The following TRPM8 variants were observed in gnomAD, a reference collection of about 807,000 sequenced individuals.
TRPM8 encodes the protein transient receptor potential cation channel subfamily M member 8, also known as TRPM8 cationic channel.
A neutral mutation model predicts 133.7 loss-of-function variants in TRPM8; 110 were observed. That is an observed-to-expected ratio of 0.82 (90% confidence interval 0.70 to 0.96). TRPM8 has a LOEUF of 0.96. Ranked by LOEUF, TRPM8 falls within the 40% of genes least tolerant of loss-of-function variation. The pLI, the probability that TRPM8 is intolerant of heterozygous loss-of-function variation, is 0.00. For synonymous variants in TRPM8, 535 were observed against 532.3 expected (o/e 1.01, Z -0.07); for missense variants, 1,291 against 1,379.5 (o/e 0.94, Z 1.02).
At chr2:234,012,438 GC>G (rs1020244273) in intron 24 of TRPM8, among the ~76,000 whole-genome samples, 13 of 151,546 alleles carry the variant, frequency 8.6e-5, no homozygotes, top group Middle Eastern at 6.8e-3. Flanking sequence ...GAGCCACCAC[GC>G]CCAGCAGTCC....
At position 233,989,240 on chromosome 2, in the gene TRPM8, G is replaced by A. The variant is rs1692218081; in HGVS notation, c.2939+3375G>A. ...TTGAATTTGGAGCTGAGAAAGATGGGAGCCTCGTCTGTCACTTTCAGGTGA... is the reference window on the plus strand; with the variant it reads ...TTGAATTTGGAGCTGAGAAAGATGGAAGCCTCGTCTGTCACTTTCAGGTGA... On this transcript the variant is annotated intron_variant, in intron 21 of 25. Coordinates refer to ENST00000324695, the MANE Select transcript of TRPM8 (RefSeq NM_024080.5). The surrounding 1 kb of genome is among the most constrained non-coding windows in gnomAD (Gnocchi z 4.2). Among the ~76,000 whole-genome samples, 1 of 152,178 alleles carries A rather than the reference G, an allele frequency of 6.6e-6. No individual in the cohort carries two copies. Among genetic ancestry groups the A allele is most frequent in the Non-Finnish European group, 1.5e-5 (1 of 68,040 alleles).
chr2:233,922,760 G>C (rs1691435067), intron 1 of TRPM8, among the ~76,000 whole-genome samples: 1 of 152,092 alleles, frequency 6.6e-6, no homozygotes, highest in Admixed American at 6.5e-5. Flanking sequence ...TGTAAACACT[G>C]TTCCATTTTC....
intron 11 of TRPM8, among the ~76,000 whole-genome samples, chr2:233,955,748 C>T (rs572364104): frequency 1.9e-4 from 29 of 152,228 alleles, no homozygotes; most frequent in South Asian, 1.5e-3. Flanking sequence ...CCCCAGTGAA[C>T]GTCTTAGAGC....
Position 233,945,857 on chromosome 2 carries a change from G to A in TRPM8, c.701G>A (p.Gly234Asp), listed in dbSNP as rs1422371640. Residue 234 changes from glycine to aspartate, a missense_variant and splice_region_variant, in exon 7 of 26, where the codon GGC becomes GAC. Gly to Asp is a moderately conservative substitution (Grantham distance 94). Coordinates refer to ENST00000324695, the MANE Select transcript of TRPM8 (RefSeq NM_024080.5). ...GACAAGTTTCCCTGTACTTTTCAGG[G>A]CTATTTTTTAGCCCAGTACCTTATG... ...DTLIRNCDAE[G>D]YFLAQYLMDD... The A allele has an allele frequency of 6.2e-7, 1 of 1,609,022 alleles. No individual in the cohort carries two copies. Among genetic ancestry groups the A allele is most frequent in the Non-Finnish European group, 8.5e-7 (1 of 1,176,094 alleles).
At chr2:234,003,805 G>A (rs1010717165) in intron 22 of TRPM8, among the ~76,000 whole-genome samples, 14 of 152,164 alleles carry the variant, frequency 9.2e-5, no homozygotes, top group Non-Finnish European at 1.6e-4. Context: ...TCGCTAGTGG[G>A]ATTCAGGTTG....
In TRPM8 at chr2:234,015,130, GT is replaced by G. The variant is rs1291542730; in HGVS notation, c.*42+480del. ...AATCATCTTTTTACTAACAAAAAAT[GT>G]TTTGGTGAGGCATTCAAGGTTTTTA... On this transcript the variant is annotated intron_variant, in intron 25 of 25. Transcript: ENST00000324695. 3.9e-5 allele frequency among the ~76,000 whole-genome samples: 6 copies of G among 152,240 alleles called. No homozygotes were observed. The East Asian group carries it at 1.2e-3, about 29-fold the overall frequency.
chr2:233,951,715 A>G lies in TRPM8; in HGVS notation c.1140+1569A>G, dbSNP rs377411092. On this transcript the variant is annotated intron_variant, in intron 9 of 25. Transcript: ENST00000324695. ...ATGCTAATGATATATTATAATTACA[A>G]TCACATCAATCAGAAAACATGCATC... Among the ~76,000 whole-genome samples the G allele has an allele frequency of 1.1e-4, 17 of 152,342 alleles. No homozygotes were observed. The East Asian group carries it at 1.7e-3, about 16-fold the overall frequency.
At chr2:233,951,803 G>T (rs1691177752) in intron 9 of TRPM8, among the ~76,000 whole-genome samples, 1 of 152,152 alleles carries the variant, frequency 6.6e-6, no homozygotes, top group Non-Finnish European at 1.5e-5. Context: ...AGTTGGTACA[G>T]ATTTCCCAAA....
At position 233,996,435 on chromosome 2, in the gene TRPM8, G is replaced by T; in HGVS notation, c.3049G>T (p.Val1017Phe). The stretch of plus-strand genomic sequence containing the variant: ...CCTCAATATCCCCTTCCCCTTCATC[G>T]TCTTCGCTTACTTCTACATGGTGGT... ...SRLNIPFPFI[V>F]FAYFYMVVKK... The change falls in exon 22 of 26, where the codon GTC becomes TTC. Residue 1017 changes from valine (V) to phenylalanine (F), a missense_variant. Val to Phe is a conservative substitution (Grantham distance 50). This residue lies in a region of TRPM8 where 328 missense variants were observed against 410.6 expected (regional missense o/e 0.80). Transcript: ENST00000324695. The T allele has an allele frequency of 6.2e-7, 1 of 1,614,106 alleles. No individual in the cohort carries two copies. The highest frequency in any genetic ancestry group is 8.5e-7 in the Non-Finnish European group (1 of 1,180,026).
At chr2:233,964,170 C>T (rs1321084825) in intron 13 of TRPM8, among the ~76,000 whole-genome samples, 1 of 152,148 alleles carries the variant, frequency 6.6e-6, no homozygotes, top group Admixed American at 6.5e-5. Context: ...TCTAACCCGT[C>T]CCATAAAATT....
At chr2:233,965,294 G>T (rs1219979569) in intron 14 of TRPM8, among the ~76,000 whole-genome samples, 1 of 152,166 alleles carries the variant, frequency 6.6e-6, no homozygotes, top group East Asian at 1.9e-4. Flanking sequence ...CAGTTGCCCT[G>T]CAGCTCCCTG....
chr2:233,942,997 G>A (rs1361782699), intron 6 of TRPM8: 3 of 554,858 alleles, frequency 5.4e-6, no homozygotes, highest in Non-Finnish European at 9.6e-6. Context: ...TCATATCACA[G>A]TCAGGTTCTT....
chr2:233,937,701 T>A lies in TRPM8; in HGVS notation c.348+192T>A, dbSNP rs575162345. Among the ~76,000 whole-genome samples the A allele has an allele frequency of 5.3e-5, 8 of 152,238 alleles. No individual in the cohort carries two copies. The South Asian group carries it at 1.7e-3, about 32-fold the overall frequency. The stretch of plus-strand genomic sequence containing the variant: ...ATTAGGCTATGCTCAACAGGAAAAC[T>A]CAACAGGTTAAGGACTGGATTATCA... On this transcript the variant is annotated intron_variant, in intron 4 of 25. Transcript: ENST00000324695.
intron 17 of TRPM8, among the ~76,000 whole-genome samples, chr2:233,974,851 G>A (rs946927697): frequency 1.3e-5 from 2 of 152,052 alleles, no homozygotes; most frequent in Non-Finnish European, 2.9e-5. Flanking sequence ...GGGGAAATGA[G>A]TCATGAGCAC....
chr2:234,003,968 C>T (rs1416711768), intron 22 of TRPM8, among the ~76,000 whole-genome samples: 4 of 152,062 alleles, frequency 2.6e-5, no homozygotes, highest in Admixed American at 1.3e-4. Flanking sequence ...GAAGGCAGGA[C>T]GAAATTCATT....
At chr2:233,984,806 G>A (rs916015224) in intron 20 of TRPM8, among the ~76,000 whole-genome samples, 4 of 152,250 alleles carry the variant, frequency 2.6e-5, no homozygotes, top group South Asian at 2.1e-4. Context: ...AAAATAGGCC[G>A]GGGATGGTGG....
chr2:234,014,543 A>AT lies in TRPM8; in HGVS notation c.3265-12dup. The AT allele has an allele frequency of 6.0e-6, 9 of 1,504,320 alleles. No individual in the cohort carries two copies. Among genetic ancestry groups the AT allele is most frequent in the Admixed American group, 4.9e-5 (2 of 40,904 alleles). The allele number at this position is 1,504,320 out of a possible 1,614,324, so 93.2% of individuals were successfully genotyped here. A position where few individuals can be genotyped will look rare whatever the true frequency, so the allele number is the denominator to read the frequency against. On this transcript the variant is annotated intron_variant, in intron 24 of 25. Transcript: ENST00000324695. ...GAAAATTTATCTTAAGATGAGTTCT[A>AT]TTTTTTTCTCTTTCCAAGCTTAATG...
At chr2:233,975,876 C>G (rs1343968562) in intron 17 of TRPM8, among the ~76,000 whole-genome samples, 2 of 145,424 alleles carry the variant, frequency 1.4e-5, no homozygotes, top group African/African-American at 5.0e-5. Flanking sequence ...AGTGAGACTC[C>G]ACCTCAAACA....
chr2:233,937,822 C>T (rs536349785), intron 4 of TRPM8, among the ~76,000 whole-genome samples: 2 of 152,164 alleles, frequency 1.3e-5, no homozygotes, highest in Non-Finnish European at 2.9e-5. Context: ...TTTTGTGAAC[C>T]CTACTGCTTA....
Sources: allele counts gnomAD v4.1 joint callset (sites outside exome capture counted in the v4.1 genomes callset), GRCh38; gene constraint gnomAD v4.1.1; regional missense constraint gnomAD v4.1.1; non-coding constraint Gnocchi (gnomAD v3.1); transcripts MANE v1.5; gene names NCBI Gene and HGNC (gene_info 2026-07-23, HGNC 2026-07-21).